The following ODR4 variants were observed in gnomAD, a reference collection of about 807,000 sequenced individuals.
ODR4 encodes the protein protein odr-4 homolog.
A neutral mutation model predicts 60.2 loss-of-function variants in ODR4; 47 were observed. The ratio of observed to expected loss-of-function variants is 0.78; its 90% CI spans 0.62 to 1.00. The LOEUF (loss-of-function observed/expected upper bound fraction) is 1.00. ODR4 is among the 50% of genes least tolerant of loss of function. The pLI is 0.00. For missense variants in ODR4, 488 were observed against 530.8 expected (o/e 0.92, Z 0.79); for synonymous variants, 178 against 175.5 (o/e 1.01, Z -0.11).
chr1:186,418,944 G>T, intron 13 of ODR4, 65 bp from the exon 14 acceptor site: 1 of 1,380,308 alleles, frequency 7.2e-7, no homozygotes, highest in East Asian at 2.4e-5. Flanking sequence ...TCAGAGCCTA[G>T]GATTAGTTTG....
At position 186,418,946 on chromosome 1, in the gene ODR4, A is replaced by G. The variant is rs571252191; in HGVS notation, c.1298-63A>G. On this transcript the variant is annotated intron_variant, in intron 13 of 13. Transcript: ENST00000287859. ...AGTTACCCACATTTCAGAGCCTAGGATTAGTTTGGCCTTTCTTTTGCTCAT... is the reference window on the plus strand; with the variant it reads ...AGTTACCCACATTTCAGAGCCTAGGGTTAGTTTGGCCTTTCTTTTGCTCAT... 8 of 1,396,508 alleles carry G rather than the reference A, an allele frequency of 5.7e-6. No homozygotes were observed. The East Asian group carries it at 1.2e-4, about 21-fold the overall frequency. The allele number at this position is 1,396,508 out of a possible 1,614,324, so 86.5% of individuals were successfully genotyped here.
chr1:186,389,160 A>G (rs1660362110), intron 5 of ODR4, among the ~76,000 whole-genome samples: 1 of 149,950 alleles, frequency 6.7e-6, no homozygotes, highest in African/African-American at 2.4e-5. Context: ...TTTTTTTTTA[A>G]CAACAACAAA....
At chr1:186,404,987 AGTGACT>A (rs1661119027) in intron 11 of ODR4, among the ~76,000 whole-genome samples, 1 of 152,234 alleles carries the variant, frequency 6.6e-6, no homozygotes, top group South Asian at 2.1e-4. Context: ...TACATGCAAC[AGTGACT>A]ATGTTAGAAA....
At chr1:186,418,289 C>CTTTTTTTTT (rs35821609) in intron 13 of ODR4, among the ~76,000 whole-genome samples, 5 of 110,386 alleles carry the variant, frequency 4.5e-5, no homozygotes, top group Non-Finnish European at 5.6e-5. Flanking sequence ...TTCTTTCTTT[C>CTTTTTTTTT]TTTTTTTTTT....
At chr1:186,434,495 A>G in the ODR4 span, among the ~76,000 whole-genome samples, 1 of 152,182 alleles carries the variant, frequency 6.6e-6, no homozygotes, top group African/African-American at 2.4e-5. Context: ...TTCAAATAGA[A>G]ACTCCTTGCT....
chr1:186,408,988 TTTAAG>T (rs1186914221), intron 12 of ODR4, among the ~76,000 whole-genome samples: 4 of 149,252 alleles, frequency 2.7e-5, no homozygotes, highest in Non-Finnish European at 6.0e-5. Context: ...TTCAGTTCTT[TTTAAG>T]TTAATATTTT....
intron 2 of ODR4, 39 bp from the exon 3 acceptor site, chr1:186,382,983 A>T: frequency 6.4e-7 from 1 of 1,550,714 alleles, no homozygotes; most frequent in Non-Finnish European, 8.7e-7. Context: ...TTGAGGAATC[A>T]GATATCACTC....
intron 11 of ODR4, among the ~76,000 whole-genome samples, chr1:186,404,031 T>A (rs1054976428): frequency 6.6e-6 from 1 of 152,162 alleles, no homozygotes; most frequent in African/African-American, 2.4e-5. Context: ...TAAAAAAAAA[T>A]TCTATGAAAA....
rs563065712 is a variant in ODR4 at position 186,408,631 on chromosome 1, AAT to A, written c.1186+2366_1186+2367del. Among the ~76,000 whole-genome samples, 246 of 150,058 alleles carry A rather than the reference AAT, an allele frequency of 1.6e-3. 3 individuals are homozygous for A. Among genetic ancestry groups the A allele is most frequent in the African/African-American group, 5.7e-3 (233 of 41,186 alleles). On this transcript the variant is annotated intron_variant, in intron 12 of 13. Transcript: ENST00000287859. ...GTGAACATGTTTATATGTTTATATGAATATGTTTATAAAATATATAATATAAA... is the reference window on the plus strand; with the variant it reads ...GTGAACATGTTTATATGTTTATATGAATGTTTATAAAATATATAATATAAA...
chr1:186,431,427 TGAA>T, the ODR4 span, among the ~76,000 whole-genome samples: 1 of 151,992 alleles, frequency 6.6e-6, no homozygotes, highest in Non-Finnish European at 1.5e-5. Flanking sequence ...TAGAAAAAAA[TGAA>T]GAGCAATATT....
chr1:186,413,151 T>A (rs2102087204), intron 12 of ODR4, among the ~76,000 whole-genome samples: 1 of 152,168 alleles, frequency 6.6e-6, no homozygotes, highest in South Asian at 2.1e-4. Context: ...AAATACAAAA[T>A]GCTCCAAAAT....
At chr1:186,379,976 T>G in intron 2 of ODR4, 92 bp downstream of exon 2, 1 of 731,062 alleles carries the variant, frequency 1.4e-6, no homozygotes. Flanking sequence ...AAAGATGCTA[T>G]TTAATAATAA....
At chr1:186,400,084 C>T (rs1289168974) in intron 11 of ODR4, among the ~76,000 whole-genome samples, 5 of 149,040 alleles carry the variant, frequency 3.4e-5, no homozygotes, top group African/African-American at 7.4e-5. Flanking sequence ...CTCCGCCTCC[C>T]GGGTTCACGC....
rs1442561154 is a variant in ODR4 at position 186,383,159 on chromosome 1, T to C, written c.234+3T>C. The stretch of plus-strand genomic sequence containing the variant: ...GGGCCACAGAACATGCCTGCCAGGT[T>C]ATCTTATTTTTTTGTTTATATGTTT... On this transcript the variant is annotated splice_donor_region_variant and intron_variant, in intron 3 of 13. Transcript: ENST00000287859. The C allele has an allele frequency of 1.5e-5, 23 of 1,540,258 alleles. No individual in the cohort carries two copies. Among genetic ancestry groups the C allele is most frequent in the Middle Eastern group, 3.4e-4 (2 of 5,908 alleles).
At chr1:186,391,621 A>G (rs1660471093) in intron 7 of ODR4, 75 bp from the exon 8 acceptor site, 1 of 901,438 alleles carries the variant, frequency 1.1e-6, no homozygotes, top group Non-Finnish European at 1.8e-6. Context: ...TATTAGGTGG[A>G]ACAAAGTAGA....
At chr1:186,411,080 C>G (rs1477418477) in intron 12 of ODR4, among the ~76,000 whole-genome samples, 1 of 151,610 alleles carries the variant, frequency 6.6e-6, no homozygotes, top group Non-Finnish European at 1.5e-5. Flanking sequence ...TGTTGAGTAT[C>G]CCTAATCTGA....
intron 12 of ODR4, among the ~76,000 whole-genome samples, chr1:186,414,201 A>G (rs1401946175): frequency 1.3e-5 from 2 of 152,172 alleles, no homozygotes; most frequent in African/African-American, 2.4e-5. Flanking sequence ...CTTCGGTAAA[A>G]TTATCTCAAA....
chr1:186,391,561 T>A, intron 7 of ODR4, 135 bp from the exon 8 acceptor site: 1 of 634,374 alleles, frequency 1.6e-6, no homozygotes, highest in South Asian at 1.9e-5. Flanking sequence ...TTTGTGAAAC[T>A]AGATTTAAAT....
At chr1:186,406,336 G>C in intron 12 of ODR4, 68 bp downstream of exon 12, 1 of 1,167,378 alleles carries the variant, frequency 8.6e-7, no homozygotes. Context: ...GAGATGTCTA[G>C]TTTAAATATC....
Sources: allele counts gnomAD v4.1 joint callset (sites outside exome capture counted in the v4.1 genomes callset), GRCh38; gene constraint gnomAD v4.1.1; transcripts MANE v1.5; gene names NCBI Gene and HGNC (gene_info 2026-07-23, HGNC 2026-07-21).